The following SIPA1L2 variants were observed in gnomAD, a reference collection of about 807,000 sequenced individuals.
SIPA1L2 encodes the protein signal-induced proliferation-associated 1-like protein 2.
In SIPA1L2, 56 loss-of-function variants were observed where a neutral mutation model predicts 163.9. That is an observed-to-expected ratio of 0.34 (90% CI 0.28 to 0.43). The LOEUF is 0.43. Ranked by LOEUF, SIPA1L2 falls within the 20% of genes least tolerant of loss-of-function variation. SIPA1L2 has a pLI of 1.00. For synonymous variants in SIPA1L2, 877 were observed against 865.7 expected (o/e 1.01, Z -0.23); for missense variants, 1,974 against 2,193.5 (o/e 0.90, Z 2.00).
intron 2 of SIPA1L2, among the ~76,000 whole-genome samples, chr1:232,562,959 A>G (rs1467614784): frequency 6.6e-6 from 1 of 152,232 alleles, no homozygotes; most frequent in Non-Finnish European, 1.5e-5. Context: ...AGCTGTGTAG[A>G]CATCTGGCAT....
chr1:232,439,786 A>T (rs1327912188), intron 14 of SIPA1L2, among the ~76,000 whole-genome samples: 1 of 152,216 alleles, frequency 6.6e-6, no homozygotes. Context: ...AGCAAAGAAA[A>T]TAATAAGCAA....
chr1:232,462,233 A>AT, intron 9 of SIPA1L2: 8 of 1,551,046 alleles, frequency 5.2e-6, no homozygotes, highest in Non-Finnish European at 7.0e-6. Flanking sequence ...ACATGGGCTC[A>AT]TTAAGTATCA....
At chr1:232,541,126 A>T (rs189456548) in intron 2 of SIPA1L2, among the ~76,000 whole-genome samples, 1 of 152,118 alleles carries the variant, frequency 6.6e-6, no homozygotes, top group Non-Finnish European at 1.5e-5. Context: ...TATCAGAATA[A>T]ACGGCTAATG....
In SIPA1L2 at chr1:232,398,679, C is replaced by G. The variant is rs1323137483; in HGVS notation, c.*448G>C. ...CTGTACATCCAAAAAAATAGAGCAC[C>G]TTTAACATTAAAGTATATGTCTGAT... On this transcript the variant is annotated 3_prime_UTR_variant, in exon 23 of 23. Transcript: ENST00000674635. The G allele has an allele frequency of 6.5e-6, 1 of 153,844 alleles. No individual in the cohort carries two copies. The highest frequency in any genetic ancestry group is 1.4e-5 in the Non-Finnish European group (1 of 69,032). The allele number at this position is 153,844 out of a possible 1,614,324, so 9.5% of individuals were successfully genotyped here. A position where few individuals can be genotyped will look rare whatever the true frequency, so the allele number is the denominator to read the frequency against.
chr1:232,433,326 T>C (rs796627646), intron 15 of SIPA1L2, among the ~76,000 whole-genome samples: 3 of 152,082 alleles, frequency 2.0e-5, no homozygotes, highest in Non-Finnish European at 4.4e-5. Context: ...ATAAAGTTCA[T>C]AAACAGGTAA....
chr1:232,573,713 G>A (rs1276002143), intron 2 of SIPA1L2, among the ~76,000 whole-genome samples: 1 of 152,054 alleles, frequency 6.6e-6, no homozygotes, highest in Non-Finnish European at 1.5e-5. Flanking sequence ...GGCTGGACTT[G>A]CCCCACCACT....
At chr1:232,429,580 C>T (rs2102824515) in intron 16 of SIPA1L2, among the ~76,000 whole-genome samples, 1 of 148,660 alleles carries the variant, frequency 6.7e-6, no homozygotes, top group South Asian at 2.1e-4. Flanking sequence ...GCACAAGCTA[C>T]AGTTACAACA....
At chr1:232,472,818 T>C (rs1290342968) in intron 7 of SIPA1L2, among the ~76,000 whole-genome samples, 1 of 152,200 alleles carries the variant, frequency 6.6e-6, no homozygotes, top group African/African-American at 2.4e-5. Flanking sequence ...TAAACTCAGA[T>C]ACAAAAAGGA....
At chr1:232,524,077 A>G (rs909219859) in intron 2 of SIPA1L2, among the ~76,000 whole-genome samples, 1 of 152,192 alleles carries the variant, frequency 6.6e-6, no homozygotes, top group African/African-American at 2.4e-5. Context: ...TAAGATACTG[A>G]GTTTTGCTGA....
intron 1 of SIPA1L2, among the ~76,000 whole-genome samples, chr1:232,605,966 T>C (rs1661896283): frequency 6.6e-6 from 1 of 152,126 alleles, no homozygotes; most frequent in Non-Finnish European, 1.5e-5. Flanking sequence ...TCTAACCACA[T>C]ATTCATATCA....
intron 5 of SIPA1L2, among the ~76,000 whole-genome samples, chr1:232,488,501 A>G (rs567481267): frequency 1.2e-4 from 19 of 152,324 alleles, no homozygotes; most frequent in African/African-American, 4.6e-4. Flanking sequence ...TGTTTTCCTC[A>G]TGTACAATGG....
Position 232,513,841 on chromosome 1 carries a change from C to T in SIPA1L2, c.1483+16G>A. On this transcript the variant is annotated intron_variant, in intron 3 of 22. Coordinates refer to ENST00000674635, the MANE Select transcript of SIPA1L2 (RefSeq NM_020808.5). ...TACTCCCGAGACACATGCAAACGCC[C>T]ATGGCTCTTCCTTACCTTTCCCATA... is the stretch of plus-strand genomic sequence containing the variant. The T allele has an allele frequency of 6.5e-7, 1 of 1,542,940 alleles. No homozygotes were observed. The highest frequency in any genetic ancestry group is 8.7e-7 in the Non-Finnish European group (1 of 1,149,916).
At chr1:232,535,918 C>G (rs998823812) in intron 2 of SIPA1L2, among the ~76,000 whole-genome samples, 3 of 152,182 alleles carry the variant, frequency 2.0e-5, no homozygotes, top group Non-Finnish European at 2.9e-5. Context: ...AATGTTCCAT[C>G]AAAGTTAGAA....
intron 16 of SIPA1L2, among the ~76,000 whole-genome samples, chr1:232,429,123 T>C (rs867624466): frequency 6.6e-6 from 1 of 152,222 alleles, no homozygotes; most frequent in African/African-American, 2.4e-5. Context: ...TAAAAATGTA[T>C]TGACAGACAA....
At chr1:232,603,997 A>C (rs1409923992) in intron 1 of SIPA1L2, among the ~76,000 whole-genome samples, 2 of 152,132 alleles carry the variant, frequency 1.3e-5, no homozygotes, top group African/African-American at 2.4e-5. Flanking sequence ...CCACAATCAG[A>C]CTATGCTTTT....
At chr1:232,409,334 C>T (rs946084010) in intron 19 of SIPA1L2, among the ~76,000 whole-genome samples, 7 of 152,170 alleles carry the variant, frequency 4.6e-5, no homozygotes, top group African/African-American at 9.6e-5. Context: ...CTCATATTTC[C>T]GATGGTTTAC....
chr1:232,426,538 T>C (rs1442450281), intron 17 of SIPA1L2, among the ~76,000 whole-genome samples: 1 of 152,104 alleles, frequency 6.6e-6, no homozygotes, highest in African/African-American at 2.4e-5. Context: ...TGCACGCCTG[T>C]AGTCCCAGCC....
chr1:232,465,523 C>T lies in SIPA1L2; in HGVS notation c.2244-107G>A. ...ACACACACACACATATACATACACA[C>T]ACACACACACATATACATACACACA... is the stretch of plus-strand genomic sequence containing the variant. On this transcript the variant is annotated intron_variant, in intron 8 of 22. Transcript: ENST00000674635. This position sits in a 1 kb window ranked among gnomAD's most constrained non-coding sequence, Gnocchi z 4.1. 5.8e-6 allele frequency: 5 copies of T among 868,202 alleles called. No individual in the cohort carries two copies. Among genetic ancestry groups the T allele is most frequent in the South Asian group, 5.2e-5 (3 of 57,242 alleles). The allele number at this position is 868,202 out of a possible 1,614,324, so 53.8% of individuals were successfully genotyped here. A position where few individuals can be genotyped will look rare whatever the true frequency, so the allele number is the denominator to read the frequency against.
In SIPA1L2 at chr1:232,465,550, A is replaced by C. The variant is rs1214899412; in HGVS notation, c.2244-134T>G. ...CACACACACATATACATACACACAT[A>C]CACACACACTTTCAACTTAACTGGT... is the stretch of plus-strand genomic sequence containing the variant. On this transcript the variant is annotated intron_variant, in intron 8 of 22. Transcript: ENST00000674635. The surrounding 1 kb of genome is among the most constrained non-coding windows in gnomAD (Gnocchi z 4.1). 1 of 713,212 alleles carries C rather than the reference A, an allele frequency of 1.4e-6. No individual in the cohort carries two copies. The highest frequency in any genetic ancestry group is 2.2e-6 in the Non-Finnish European group (1 of 460,550). 44.2% of individuals were successfully genotyped at this position (713,212 alleles called of 1,614,324 possible). A position where few individuals can be genotyped will look rare whatever the true frequency, so the allele number is the denominator to read the frequency against.
Sources: allele counts gnomAD v4.1 joint callset (sites outside exome capture counted in the v4.1 genomes callset), GRCh38; gene constraint gnomAD v4.1.1; non-coding constraint Gnocchi (gnomAD v3.1); transcripts MANE v1.5; gene names NCBI Gene and HGNC (gene_info 2026-07-23, HGNC 2026-07-21).